The following RSF1 variants were observed in gnomAD, a reference collection of about 807,000 sequenced individuals.
RSF1 encodes the protein remodeling and spacing factor 1.
Under a neutral mutation model 145.2 loss-of-function variants are expected in RSF1, and 13 were observed. That is an observed-to-expected ratio of 0.09 (90% CI 0.06 to 0.14). RSF1 has a LOEUF of 0.14. Among genes scored for constraint, RSF1 ranks in the 10% least tolerant of loss-of-function variants. RSF1 has a pLI of 1.00. For missense variants in RSF1, 1,517 were observed against 1,718.2 expected (o/e 0.88, Z 2.07); for synonymous variants, 577 against 592.6 (o/e 0.97, Z 0.38).
At chr11:77,865,493 TA>T in the RSF1 span, among the ~76,000 whole-genome samples, 1 of 152,236 alleles carries the variant, frequency 6.6e-6, no homozygotes, top group Non-Finnish European at 1.5e-5. Flanking sequence ...GCCAAACCTA[TA>T]TATGAAATCA....
intron 1 of RSF1, chr11:77,813,766 C>A: frequency 3.5e-6 from 1 of 286,972 alleles, no homozygotes; most frequent in Non-Finnish European, 6.9e-6. Flanking sequence ...CACAGAGCCG[C>A]AGCACCTACC....
intron 1 of RSF1, among the ~76,000 whole-genome samples, chr11:77,783,457 T>C (rs1369943621): frequency 6.6e-6 from 1 of 152,198 alleles, no homozygotes; most frequent in Non-Finnish European, 1.5e-5. Flanking sequence ...TTTACCTGTC[T>C]GAAAAAGTTT....
chr11:77,748,429 T>C (rs1207736774), intron 2 of RSF1, among the ~76,000 whole-genome samples: 1 of 151,986 alleles, frequency 6.6e-6, no homozygotes, highest in Non-Finnish European at 1.5e-5. Flanking sequence ...TTCTTCATGT[T>C]GCCAAGATGG....
intron 2 of RSF1, among the ~76,000 whole-genome samples, chr11:77,748,536 A>G (rs1948027549): frequency 6.6e-6 from 1 of 152,016 alleles, no homozygotes; most frequent in Admixed American, 6.6e-5. Context: ...TTTCAGAGAG[A>G]AAAAAAAGGA....
chr11:77,702,178 T>C lies in RSF1; in HGVS notation c.1051A>G (p.Ile351Val), dbSNP rs78433827. The C allele has an allele frequency of 1.4e-3, 2,211 of 1,614,126 alleles. 20 individuals are homozygous for C. The African/African-American group carries it at 0.024, about 18-fold the overall frequency. The change falls in exon 6 of 16, where the codon ATC (isoleucine) becomes GTC (valine). Residue 351 changes from isoleucine (I) to valine (V), a missense_variant. Coordinates refer to ENST00000308488, the MANE Select transcript of RSF1 (RefSeq NM_016578.4). ...GATTTAATATTGCCACCAAATTCGA[T>C]CCTTTCAGGCTCCTGTGCCACTGGC... ...EKPVAQEPER[I>V]EFGGNIKSSH... is the part of the protein sequence containing the mutation.
the RSF1 span, among the ~76,000 whole-genome samples, chr11:77,843,343 AG>A: frequency 6.6e-6 from 1 of 152,156 alleles, no homozygotes; most frequent in Non-Finnish European, 1.5e-5. Context: ...GGGCAAAACA[AG>A]GGAGCCTCTA....
intron 1 of RSF1, among the ~76,000 whole-genome samples, chr11:77,780,824 CAAAA>C (rs33925149): frequency 7.8e-6 from 1 of 127,840 alleles, no homozygotes. Flanking sequence ...GACTCCGTCT[CAAAA>C]AAAAAAAAAA....
At chr11:77,697,497 A>T (rs1357179273) in intron 7 of RSF1, among the ~76,000 whole-genome samples, 1 of 15,148 alleles carries the variant, frequency 6.6e-5, no homozygotes, top group Non-Finnish European at 1.1e-4. Flanking sequence ...AATATATATA[A>T]ATATATTATA....
the RSF1 span, among the ~76,000 whole-genome samples, chr11:77,854,288 G>A: frequency 6.6e-6 from 1 of 152,014 alleles, no homozygotes; most frequent in Non-Finnish European, 1.5e-5. Context: ...CACCGTGCCC[G>A]GCTATCCTCC....
At chr11:77,785,645 A>T (rs34130561) in intron 1 of RSF1, among the ~76,000 whole-genome samples, 26,384 of 151,698 alleles carry the variant, frequency 0.17, 2,785 homozygotes, top group Non-Finnish European at 0.24. Context: ...TGAGCAGATG[A>T]TATGAATTTT....
intron 4 of RSF1, chr11:77,739,286 A>G (rs1296901671): frequency 6.6e-6 from 1 of 152,614 alleles, no homozygotes; most frequent in East Asian, 1.9e-4. Flanking sequence ...AGTAATCGTT[A>G]TTTCACTGTC....
intron 5 of RSF1, among the ~76,000 whole-genome samples, chr11:77,717,404 G>C (rs779012311): frequency 6.6e-6 from 1 of 152,056 alleles, no homozygotes; most frequent in Admixed American, 6.5e-5. Flanking sequence ...TTGTCACCTG[G>C]GAGAAAACAG....
intron 15 of RSF1, among the ~76,000 whole-genome samples, chr11:77,668,085 C>T (rs557069461): frequency 6.6e-6 from 1 of 152,220 alleles, no homozygotes; most frequent in East Asian, 1.9e-4. Flanking sequence ...GCAACCTCTG[C>T]CTTCCAGATT....
the RSF1 span, among the ~76,000 whole-genome samples, chr11:77,856,492 TTTTC>T: frequency 6.6e-6 from 1 of 152,162 alleles, no homozygotes; most frequent in Non-Finnish European, 1.5e-5. Flanking sequence ...CTGGTACCAA[TTTTC>T]TTTGTTAGTC....
At chr11:77,729,720 T>G (rs1590854436) in intron 4 of RSF1, among the ~76,000 whole-genome samples, 1 of 152,008 alleles carries the variant, frequency 6.6e-6, no homozygotes, top group African/African-American at 2.4e-5. Flanking sequence ...AATATCTCCC[T>G]GTACCTTTCT....
intron 2 of RSF1, 167 bp downstream of exon 2, chr11:77,764,431 T>C (rs1948205277): frequency 1.8e-6 from 1 of 560,540 alleles, no homozygotes; most frequent in Non-Finnish European, 3.1e-6. Flanking sequence ...TGCTACTAAG[T>C]AGTAGCAAAA....
At chr11:77,735,190 T>G (rs1961317037) in intron 4 of RSF1, among the ~76,000 whole-genome samples, 1 of 152,170 alleles carries the variant, frequency 6.6e-6, no homozygotes, top group Admixed American at 6.5e-5. Flanking sequence ...GTCCAAGCAC[T>G]GTTGAAGCAG....
intron 4 of RSF1, among the ~76,000 whole-genome samples, chr11:77,737,402 C>T (rs1032125666): frequency 6.6e-6 from 1 of 151,290 alleles, no homozygotes; most frequent in Non-Finnish European, 1.5e-5. Flanking sequence ...GAGCTGAGAT[C>T]GCACCACTGC....
chr11:77,683,885 C>T (rs963863480), intron 10 of RSF1, 66 bp from the exon 11 acceptor site: 70 of 1,245,412 alleles, frequency 5.6e-5, no homozygotes, highest in Non-Finnish European at 7.2e-5. Flanking sequence ...TTGGGATAAA[C>T]AGTTTTGTAA....
Sources: gnomAD v4.1 joint callset for allele counts (sites outside exome capture counted in the v4.1 genomes callset) on GRCh38, gnomAD v4.1.1 for gene constraint, MANE v1.5 for transcripts, NCBI Gene and HGNC (gene_info 2026-07-23, HGNC 2026-07-21) for gene names.